The following PCDH9 variants were observed in gnomAD, a reference collection of about 807,000 sequenced individuals.
PCDH9 encodes protocadherin-9.
In PCDH9, 24 loss-of-function variants were observed where a neutral mutation model predicts 70.6. That is an observed-to-expected ratio of 0.34 (90% CI 0.25 to 0.48). The LOEUF (loss-of-function observed/expected upper bound fraction) is 0.48. PCDH9 is among the 20% of genes least tolerant of loss of function. The pLI, the probability that PCDH9 is intolerant of heterozygous loss-of-function variation, is 0.99. For synonymous variants in PCDH9, 562 were observed against 558.5 expected (o/e 1.01, Z -0.09); for missense variants, 1,281 against 1,503.6 (o/e 0.85, Z 2.45).
chr13:67,089,469 G>C (rs1343531891), intron 2 of PCDH9, among the ~76,000 whole-genome samples: 1 of 151,918 alleles, frequency 6.6e-6, no homozygotes, highest in Non-Finnish European at 1.5e-5. Flanking sequence ...TATTGGACAT[G>C]TACTTATTTT....
At chr13:66,728,546 C>G (rs945920759) in intron 3 of PCDH9, among the ~76,000 whole-genome samples, 1 of 152,048 alleles carries the variant, frequency 6.6e-6, no homozygotes, top group East Asian at 1.9e-4. Context: ...CACAGGGATT[C>G]TATTTTTTGG....
chr13:66,855,345 A>T (rs2081378193), intron 3 of PCDH9, among the ~76,000 whole-genome samples: 1 of 152,092 alleles, frequency 6.6e-6, no homozygotes, highest in South Asian at 2.1e-4. Context: ...TTCAGAAATG[A>T]ATAATGGATT....
intron 2 of PCDH9, among the ~76,000 whole-genome samples, chr13:67,195,344 C>A (rs1264316643): frequency 1.3e-5 from 2 of 152,028 alleles, no homozygotes; most frequent in Non-Finnish European, 2.9e-5. Flanking sequence ...GGCGTTTCAT[C>A]GTGTTAGACA....
chr13:66,874,961 G>C lies in PCDH9; in HGVS notation c.3138+28543C>G, dbSNP rs73208965. Among the ~76,000 whole-genome samples, 513 of 150,458 alleles carry C rather than the reference G, an allele frequency of 3.4e-3. 13 individuals carry two copies. The East Asian group carries it at 0.05, about 15-fold the overall frequency. ...TGTGTGTGAGAGAGAGAGAGAGAGA[G>C]AGACAGAGAGATATGTAGAAGGGGG... On this transcript the variant is annotated intron_variant, in intron 3 of 4. Transcript: ENST00000377865.
intron 4 of PCDH9, among the ~76,000 whole-genome samples, chr13:66,362,152 CT>C (rs1190802655): frequency 9.9e-5 from 15 of 152,218 alleles, no homozygotes; most frequent in South Asian, 8.3e-4. Context: ...CCTCTATTAG[CT>C]TTTGATAAAA....
intron 4 of PCDH9, among the ~76,000 whole-genome samples, chr13:66,382,436 G>C (rs1956865200): frequency 6.6e-6 from 1 of 150,800 alleles, no homozygotes; most frequent in Non-Finnish European, 1.5e-5. Context: ...AAAAAAAAAA[G>C]TGTCCTATTT....
chr13:66,815,546 G>C (rs917649385), intron 3 of PCDH9, among the ~76,000 whole-genome samples: 2 of 152,124 alleles, frequency 1.3e-5, no homozygotes, highest in African/African-American at 2.4e-5. Flanking sequence ...AGTAGACTGA[G>C]TAAAGAAAAT....
intron 4 of PCDH9, among the ~76,000 whole-genome samples, chr13:66,556,838 A>T (rs1051332376): frequency 2.6e-5 from 4 of 152,146 alleles, no homozygotes; most frequent in Admixed American, 2.6e-4. Context: ...TTATTTCATA[A>T]CAAAAAGGGC....
At position 66,540,014 on chromosome 13, in the gene PCDH9, C is replaced by T. The variant is rs1056009643; in HGVS notation, c.3340+91196G>A. On this transcript the variant is annotated intron_variant, in intron 4 of 4. Transcript: ENST00000377865. ...CCTCCTGAGTAGCTGAGATTACAGGCCTGAACCACTATGCCCAGCTATTTT... is the reference window on the plus strand; with the variant it reads ...CCTCCTGAGTAGCTGAGATTACAGGTCTGAACCACTATGCCCAGCTATTTT... Among the ~76,000 whole-genome samples the T allele has an allele frequency of 7.3e-5, 11 of 151,606 alleles. No homozygotes were observed. In the South Asian group the frequency reaches 1.5e-3, roughly 20 times the overall value.
intron 2 of PCDH9, among the ~76,000 whole-genome samples, chr13:66,922,300 A>G (rs1374031311): frequency 6.6e-6 from 1 of 151,326 alleles, no homozygotes; most frequent in Non-Finnish European, 1.5e-5. Context: ...GTCATGTTCT[A>G]TTTGGAATTA....
At chr13:66,456,552 G>A (rs990125075) in intron 4 of PCDH9, among the ~76,000 whole-genome samples, 2 of 151,958 alleles carry the variant, frequency 1.3e-5, no homozygotes, top group Non-Finnish European at 2.9e-5. Context: ...GAATTACCAC[G>A]CTCAGCCTTC....
At chr13:66,648,286 T>C (rs984622441) in intron 3 of PCDH9, among the ~76,000 whole-genome samples, 7 of 152,198 alleles carry the variant, frequency 4.6e-5, no homozygotes, top group African/African-American at 1.7e-4. Context: ...TCTGAACCAG[T>C]GCAGTCACAG....
At chr13:66,767,726 T>C (rs564400186) in intron 3 of PCDH9, among the ~76,000 whole-genome samples, 5 of 152,096 alleles carry the variant, frequency 3.3e-5, no homozygotes, top group African/African-American at 4.8e-5. Flanking sequence ...TATGCCTTTT[T>C]TCCTGAAGTA....
At chr13:66,561,071 G>T (rs891520862) in intron 4 of PCDH9, among the ~76,000 whole-genome samples, 9 of 152,228 alleles carry the variant, frequency 5.9e-5, no homozygotes, top group African/African-American at 2.2e-4. Flanking sequence ...GGAGGGAGAA[G>T]CGCGGGCGGG....
chr13:66,529,458 C>G (rs556022857), intron 4 of PCDH9, among the ~76,000 whole-genome samples: 12 of 152,150 alleles, frequency 7.9e-5, no homozygotes, highest in Non-Finnish European at 1.5e-4. Flanking sequence ...AGTCTTTGAA[C>G]AGCAAAAGGG....
At chr13:67,129,376 T>C (rs897170282) in intron 2 of PCDH9, among the ~76,000 whole-genome samples, 13 of 152,148 alleles carry the variant, frequency 8.5e-5, no homozygotes, top group African/African-American at 3.1e-4. Flanking sequence ...TAATGCATGA[T>C]AGACATGTGC....
At chr13:66,807,201 T>C (rs1008440598) in intron 3 of PCDH9, among the ~76,000 whole-genome samples, 2 of 152,176 alleles carry the variant, frequency 1.3e-5, no homozygotes, top group Non-Finnish European at 2.9e-5. Context: ...CTTAATATCA[T>C]AAGCTTAAAA....
chr13:67,167,362 A>C (rs753007361), intron 2 of PCDH9, among the ~76,000 whole-genome samples: 1 of 152,136 alleles, frequency 6.6e-6, no homozygotes, highest in Non-Finnish European at 1.5e-5. Context: ...TCATAGTATG[A>C]TTGTGCGGAC....
chr13:66,470,087 T>C (rs891597512), intron 4 of PCDH9, among the ~76,000 whole-genome samples: 2 of 152,162 alleles, frequency 1.3e-5, no homozygotes, highest in African/African-American at 4.8e-5. Context: ...ACAGGAATGA[T>C]TTTGTTCTTG....
Sources: allele counts gnomAD v4.1 joint callset (sites outside exome capture counted in the v4.1 genomes callset), GRCh38; gene constraint gnomAD v4.1.1; transcripts MANE v1.5; gene names NCBI Gene and HGNC (gene_info 2026-07-23, HGNC 2026-07-21).